Variants in RRM2 observed in about 807,000 individuals in gnomAD.
RRM2 encodes ribonucleotide reductase regulatory subunit M2, also known as ribonucleoside-diphosphate reductase subunit M2.
RRM2 carries 6 observed loss-of-function variants against 45.9 expected under a neutral mutation model. That is an observed-to-expected ratio of 0.13 (90% confidence interval 0.07 to 0.26). The LOEUF is 0.26. Ranked by LOEUF, RRM2 falls within the 10% of genes least tolerant of loss-of-function variation. The pLI is 1.00. For missense variants in RRM2, 343 were observed against 489.5 expected (o/e 0.70, Z 2.82); for synonymous variants, 177 against 173.0 (o/e 1.02, Z -0.18).
chr2:10,194,880 G>A (rs1158409917), intron 3 of RRM2, among the ~76,000 whole-genome samples: 3 of 152,192 alleles, frequency 2.0e-5, no homozygotes, highest in East Asian at 1.9e-4. Flanking sequence ...AAACATGCGA[G>A]TTCCATTTCT....
At chr2:10,133,466 A>G (rs1662937991), downstream of RRM2, among the ~76,000 whole-genome samples, 2 of 152,168 alleles carry the variant, frequency 1.3e-5, no homozygotes, top group Non-Finnish European at 2.9e-5. Context: ...TATTTTGAGG[A>G]TCAGTGGCCC....
At chr2:10,166,301 A>G (rs1663679325) in intron 3 of RRM2, among the ~76,000 whole-genome samples, 1 of 152,222 alleles carries the variant, frequency 6.6e-6, no homozygotes, top group Admixed American at 6.5e-5. Flanking sequence ...AGCCGGCTGC[A>G]GGGGCAGGCC....
At position 10,122,979 on chromosome 2, in the gene RRM2, G is replaced by A. The variant is rs1156396140; in HGVS notation, c.100-4G>A. ...GCTCCTCACTCACACGCGTCTCCCC[G>A]CAGCCGCCGGCCCTGAGCGGGACCC... On this transcript the variant is annotated splice_region_variant and splice_polypyrimidine_tract_variant and intron_variant, in intron 1 of 9. Transcript: ENST00000304567. The A allele has an allele frequency of 1.9e-6, 3 of 1,551,436 alleles. No homozygotes were observed. Among genetic ancestry groups the A allele is most frequent in the Admixed American group, 1.9e-5 (1 of 52,402 alleles).
At chr2:10,177,891 G>A (rs984818032) in intron 3 of RRM2, among the ~76,000 whole-genome samples, 2 of 151,570 alleles carry the variant, frequency 1.3e-5, no homozygotes, top group Non-Finnish European at 2.9e-5. Context: ...CAAAGTGCTG[G>A]GATTACAGGC....
rs1553326755 is a variant in RRM2, at chr2:10,177,710, T to TTCCTTCCTCC, written n.483-32601_483-32600insTCCTTCCTCC. Among the ~76,000 whole-genome samples, 197 of 116,578 alleles carry TTCCTTCCTCC rather than the reference T, an allele frequency of 1.7e-3. 1 individual carries two copies. The highest frequency in any genetic ancestry group is 8.3e-3 in the Middle Eastern group (2 of 242). 76.5% of individuals were successfully genotyped at this position (116,578 alleles called of 152,430 possible). A position where few individuals can be genotyped will look rare whatever the true frequency, so the allele number is the denominator to read the frequency against. On this transcript the variant is annotated intron_variant and non_coding_transcript_variant, in intron 3 of 3. Transcript: ENST00000381786. ...TCCTTCCTTCCTTCCTTCCTTCCTC[T>TTCCTTCCTCC]CTCCCTCCCTCCCTCCCTCTCTCTC...
intron 3 of RRM2, among the ~76,000 whole-genome samples, chr2:10,168,833 C>T (rs11674980): frequency 0.032 from 4,830 of 149,794 alleles, 267 homozygotes; most frequent in African/African-American, 0.12. Flanking sequence ...CCTCAGTACC[C>T]AACCTGTGCA....
At chr2:10,190,376 ATGTGG>A (rs1664268467) in intron 3 of RRM2, among the ~76,000 whole-genome samples, 4 of 83,850 alleles carry the variant, frequency 4.8e-5, no homozygotes, top group African/African-American at 1.9e-4. Context: ...GAGTGTGATG[ATGTGG>A]TGATGGTGAT....
rs1664630841 is a variant in RRM2 at position 10,204,620 on chromosome 2, C to T, written n.483-5691C>T. 6.6e-6 allele frequency among the ~76,000 whole-genome samples: 1 copy of T among 152,244 alleles called. No individual in the cohort carries two copies. The highest frequency in any genetic ancestry group is 2.1e-4 in the South Asian group (1 of 4,836). On this transcript the variant is annotated intron_variant and non_coding_transcript_variant, in intron 3 of 3. Transcript: ENST00000381786. The surrounding 1 kb of genome is among the most constrained non-coding windows in gnomAD (Gnocchi z 4.0). ...AGCAGCTAGCTGGGAGCATCCGAGG[C>T]CATTAGGGACAGGACGCTAATGCAT...
At chr2:10,158,236 G>A (rs1208154784) in intron 3 of RRM2, among the ~76,000 whole-genome samples, 1 of 152,210 alleles carries the variant, frequency 6.6e-6, no homozygotes, top group Non-Finnish European at 1.5e-5. Flanking sequence ...TGTCAGTAGA[G>A]CTCCGCAGAT....
intron 3 of RRM2, among the ~76,000 whole-genome samples, chr2:10,201,470 C>T (rs1362410246): frequency 2.6e-5 from 4 of 152,226 alleles, no homozygotes; most frequent in Non-Finnish European, 5.9e-5. Context: ...TGCCTGATAT[C>T]AATGAACATT....
intron 5 of RRM2, among the ~76,000 whole-genome samples, chr2:10,125,830 G>A (rs1301275467): frequency 6.6e-6 from 1 of 152,160 alleles, no homozygotes; most frequent in East Asian, 1.9e-4. Flanking sequence ...AACATTGGGA[G>A]TAAAGAGATT....
chr2:10,137,093 G>A (rs11892260), upstream of RRM2, among the ~76,000 whole-genome samples: 4,271 of 152,280 alleles, frequency 0.028, 211 homozygotes, highest in African/African-American at 0.098. Context: ...TTCCTGCCAC[G>A]TGCAGTCAGT....
intron 3 of RRM2, among the ~76,000 whole-genome samples, chr2:10,162,095 C>T (rs1663573647): frequency 6.6e-6 from 1 of 152,210 alleles, no homozygotes; most frequent in Non-Finnish European, 1.5e-5. Flanking sequence ...CTCCCATCCG[C>T]CGCTGCCTGG....
intron 5 of RRM2, 112 bp from the exon 6 acceptor site, chr2:10,126,763 G>A: frequency 1.3e-6 from 1 of 750,976 alleles, no homozygotes; most frequent in Non-Finnish European, 2.2e-6. Flanking sequence ...TTAGGAAGAG[G>A]ATTGGCAAAT....
At chr2:10,141,914 C>T in exon 2 of RRM2, 1 of 1,577,928 alleles carries the variant, frequency 6.3e-7, no homozygotes, top group East Asian at 2.3e-5. Context: ...AGACAGCACG[C>T]CAGTGAGGGA....
downstream of RRM2, among the ~76,000 whole-genome samples, chr2:10,133,207 G>A (rs559655636): frequency 2.2e-4 from 34 of 152,366 alleles, no homozygotes; most frequent in Admixed American, 5.9e-4. Flanking sequence ...AGGCAGCCCT[G>A]CTGAGCTTCA....
chr2:10,177,320 A>C (rs1663938114), intron 3 of RRM2, among the ~76,000 whole-genome samples: 1 of 152,202 alleles, frequency 6.6e-6, no homozygotes, highest in Non-Finnish European at 1.5e-5. Context: ...TAAAGTTTTG[A>C]GGTCTGCCTT....
At chr2:10,123,319 G>T in intron 2 of RRM2, 68 bp from the exon 3 acceptor site, 1 of 1,520,014 alleles carries the variant, frequency 6.6e-7, no homozygotes, top group Non-Finnish European at 8.8e-7. Context: ...GAAAGGACTT[G>T]GTCCAGAAAA....
chr2:10,206,667 C>G (rs1362518807), intron 3 of RRM2, among the ~76,000 whole-genome samples: 1 of 152,184 alleles, frequency 6.6e-6, no homozygotes. Context: ...GGAACCATAA[C>G]AATTCTCAGA....
Sources: gnomAD v4.1 joint callset for allele counts (sites outside exome capture counted in the v4.1 genomes callset) on GRCh38, gnomAD v4.1.1 for gene constraint, Gnocchi (gnomAD v3.1) non-coding constraint, MANE v1.5 for transcripts, NCBI Gene and HGNC (gene_info 2026-07-23, HGNC 2026-07-21) for gene names.